Variants in PLA2G4A observed in about 807,000 individuals in gnomAD.
PLA2G4A encodes phospholipase A2 group IVA.
Under a neutral mutation model 81.9 loss-of-function variants are expected in PLA2G4A, and 40 were observed. The observed-to-expected ratio is 0.49, with a 90% CI of 0.38 to 0.64. The LOEUF (loss-of-function observed/expected upper bound fraction) is 0.64. Ranked by LOEUF, PLA2G4A falls within the 30% of genes least tolerant of loss-of-function variation. PLA2G4A has a pLI of 0.00. For missense variants in PLA2G4A, 715 were observed against 905.1 expected (o/e 0.79, Z 2.69); for synonymous variants, 302 against 296.9 (o/e 1.02, Z -0.18).
chr1:186,858,878 G>A (rs1165717070), intron 2 of PLA2G4A, among the ~76,000 whole-genome samples: 3 of 151,004 alleles, frequency 2.0e-5, no homozygotes, highest in Non-Finnish European at 2.9e-5. Context: ...TCTTATTCTC[G>A]CTATGTGTAT....
At chr1:186,936,009 G>A (rs73049040) in intron 8 of PLA2G4A, among the ~76,000 whole-genome samples, 2,667 of 151,946 alleles carry the variant, frequency 0.018, 64 homozygotes, top group African/African-American at 0.058. Context: ...CCCGAAATGA[G>A]TGAACTAAAA....
Position 186,977,936 on chromosome 1 carries a change from C to T in PLA2G4A, c.1960+148C>T, listed in dbSNP as rs1349391806. The T allele has an allele frequency of 4.5e-6, 3 of 671,398 alleles. No homozygotes were observed. In the Admixed American group the frequency reaches 6.7e-5, roughly 15 times the overall value. The allele number at this position is 671,398 out of a possible 1,614,324, so 41.6% of individuals were successfully genotyped here. A position where few individuals can be genotyped will look rare whatever the true frequency, so the allele number is the denominator to read the frequency against. On this transcript the variant is annotated intron_variant, in intron 16 of 17. Transcript: ENST00000367466. Reference sequence around the variant, plus strand: ...TTGATAAATAGATACTATTCTGAGACCTCAAGTACTTCTCCTCTTTCTTAC... The same window carrying T: ...TTGATAAATAGATACTATTCTGAGATCTCAAGTACTTCTCCTCTTTCTTAC...
intron 7 of PLA2G4A, among the ~76,000 whole-genome samples, chr1:186,930,421 C>A (rs1655699767): frequency 6.6e-6 from 1 of 152,104 alleles, no homozygotes; most frequent in South Asian, 2.1e-4. Flanking sequence ...ATACCATAAG[C>A]ATCTTCAGTA....
intron 2 of PLA2G4A, among the ~76,000 whole-genome samples, chr1:186,861,602 T>C (rs1652805596): frequency 6.6e-6 from 1 of 152,182 alleles, no homozygotes; most frequent in South Asian, 2.1e-4. Flanking sequence ...TCTTTCACAG[T>C]CAGTCAGTAG....
chr1:186,843,831 C>A (rs927577623), intron 1 of PLA2G4A, among the ~76,000 whole-genome samples: 1 of 152,174 alleles, frequency 6.6e-6, no homozygotes, highest in Non-Finnish European at 1.5e-5. Flanking sequence ...AATGTCAGAT[C>A]AGTTACCATT....
chr1:186,849,126 A>G (rs1375272808), intron 1 of PLA2G4A, among the ~76,000 whole-genome samples: 2 of 152,262 alleles, frequency 1.3e-5, no homozygotes, highest in East Asian at 1.9e-4. Flanking sequence ...AGAGACATCA[A>G]AAGAGGGTGT....
chr1:186,830,492 C>A (rs1651507509), intron 1 of PLA2G4A, among the ~76,000 whole-genome samples: 1 of 150,660 alleles, frequency 6.6e-6, no homozygotes, highest in Non-Finnish European at 1.5e-5. Flanking sequence ...CCTGTAATCC[C>A]AGCTACTTGG....
chr1:186,934,461 T>TACACACAC lies in PLA2G4A; in HGVS notation c.695+1563_695+1564insCACACACA, dbSNP rs778835783. Among the ~76,000 whole-genome samples, 254 of 137,722 alleles carry TACACACAC rather than the reference T, an allele frequency of 1.8e-3. 5 individuals are homozygous for TACACACAC. Among genetic ancestry groups the TACACACAC allele is most frequent in the African/African-American group, 6.5e-3 (244 of 37,354 alleles). The allele number at this position is 137,722 out of a possible 152,430, so 90.4% of individuals were successfully genotyped here. A position where few individuals can be genotyped will look rare whatever the true frequency, so the allele number is the denominator to read the frequency against. ...ATGTGCACATATATATATATATATA[T>TACACACAC]ATACATACACAGAGAGAGTAATTAA... On this transcript the variant is annotated intron_variant, in intron 8 of 17. Transcript: ENST00000367466.
intron 3 of PLA2G4A, among the ~76,000 whole-genome samples, chr1:186,885,524 A>C (rs796083090): frequency 2.6e-5 from 4 of 152,294 alleles, no homozygotes; most frequent in African/African-American, 9.6e-5. Context: ...TGTCATAAAA[A>C]AGTCTGGCAT....
intron 3 of PLA2G4A, 98 bp from the exon 4 acceptor site, chr1:186,892,913 G>A: frequency 1.2e-6 from 1 of 853,628 alleles, no homozygotes; most frequent in Non-Finnish European, 2.0e-6. Flanking sequence ...CATCACTACA[G>A]ATTCATTGAG....
chr1:186,897,328 G>A lies in PLA2G4A; in HGVS notation c.378+3117G>A, dbSNP rs80073867. ...CTGGGAATTGAGAGAATGGACCCTC[G>A]TTTTGTCTCTGTCATTCATAGCTCT... On this transcript the variant is annotated intron_variant, in intron 5 of 17. Transcript: ENST00000367466. Among the ~76,000 whole-genome samples the A allele has an allele frequency of 6.6e-3, 1,005 of 151,974 alleles. 14 individuals are homozygous for A. The highest frequency in any genetic ancestry group is 0.023 in the African/African-American group (938 of 41,470).
At chr1:186,984,389 A>G (rs12564966) in intron 17 of PLA2G4A, among the ~76,000 whole-genome samples, 34,266 of 152,066 alleles carry the variant, frequency 0.23, 6,638 homozygotes, top group African/African-American at 0.53. Context: ...TCCCAGTCTC[A>G]CTTATTCAAA....
At chr1:186,857,169 T>TTATTATACAA (rs1652602446) in intron 2 of PLA2G4A, among the ~76,000 whole-genome samples, 1 of 194 alleles carries the variant, frequency 5.2e-3, no homozygotes, top group Non-Finnish European at 0.017. Flanking sequence ...TATAATATAA[T>TTATTATACAA]TATATAATAT....
intron 5 of PLA2G4A, among the ~76,000 whole-genome samples, chr1:186,898,739 T>A (rs1654435694): frequency 6.6e-6 from 1 of 152,166 alleles, no homozygotes; most frequent in African/African-American, 2.4e-5. Flanking sequence ...ACTACCATTT[T>A]ACCAAAAAAA....
At chr1:186,960,916 C>A (rs1283311187) in intron 14 of PLA2G4A, among the ~76,000 whole-genome samples, 1 of 152,126 alleles carries the variant, frequency 6.6e-6, no homozygotes, top group Admixed American at 6.6e-5. Flanking sequence ...CAAGACATGA[C>A]CTTATTTAAT....
chr1:186,921,998 C>G (rs1472729751), intron 7 of PLA2G4A, among the ~76,000 whole-genome samples: 1 of 152,092 alleles, frequency 6.6e-6, no homozygotes, highest in Non-Finnish European at 1.5e-5. Context: ...CTAATGCTGG[C>G]CAGTCTATCT....
At chr1:186,835,663 A>G (rs1651753165) in intron 1 of PLA2G4A, among the ~76,000 whole-genome samples, 1 of 152,202 alleles carries the variant, frequency 6.6e-6, no homozygotes, top group Admixed American at 6.5e-5. Flanking sequence ...ATGAACTTAG[A>G]TCTCAAAGAG....
At chr1:186,896,583 T>C (rs554917392) in intron 5 of PLA2G4A, among the ~76,000 whole-genome samples, 1 of 152,238 alleles carries the variant, frequency 6.6e-6, no homozygotes, top group Non-Finnish European at 1.5e-5. Flanking sequence ...TTCTTCACTT[T>C]AGTTCATGAT....
At chr1:186,964,895 C>T (rs1657079965) in intron 14 of PLA2G4A, among the ~76,000 whole-genome samples, 1 of 152,202 alleles carries the variant, frequency 6.6e-6, no homozygotes, top group Non-Finnish European at 1.5e-5. Flanking sequence ...GGAATGCACA[C>T]TCACCCTCAA....
Sources: allele counts gnomAD v4.1 joint callset (sites outside exome capture counted in the v4.1 genomes callset), GRCh38; gene constraint gnomAD v4.1.1; transcripts MANE v1.5; gene names NCBI Gene and HGNC (gene_info 2026-07-23, HGNC 2026-07-21).